The following SCD5 variants were observed in gnomAD, a reference collection of about 807,000 sequenced individuals.
The protein encoded by SCD5 is stearoyl-CoA desaturase 5.
Under a neutral mutation model 30.4 loss-of-function variants are expected in SCD5, and 20 were observed. The observed-to-expected ratio is 0.66, with a 90% CI of 0.46 to 0.96. The LOEUF is 0.96. SCD5 is among the 40% of genes least tolerant of loss of function. The probability of loss-of-function intolerance (pLI) is 0.00; values close to 1 mark genes in which losing one functional copy is unlikely to be tolerated. For synonymous variants in SCD5, 173 were observed against 176.4 expected (o/e 0.98, Z 0.16); for missense variants, 381 against 443.3 (o/e 0.86, Z 1.26).
In SCD5 at chr4:82,630,290, T is replaced by C. The variant is rs1727258112; in HGVS notation, c.*1037A>G. 1 of 152,022 alleles carries C rather than the reference T, an allele frequency of 6.6e-6. No individual in the cohort carries two copies. Among genetic ancestry groups the C allele is most frequent in the Non-Finnish European group, 1.5e-5 (1 of 68,002 alleles). The allele number at this position is 152,022 out of a possible 1,614,324, so 9.4% of individuals were successfully genotyped here. ...ACAAGCTGTAAACACAGCAAAAAAA[T>C]AAACAAGAGCCATTTCCTGTATTCT... On this transcript the variant is annotated 3_prime_UTR_variant, in exon 5 of 5. Transcript: ENST00000319540.
At chr4:82,683,840 C>T (rs1233613666) in intron 2 of SCD5, among the ~76,000 whole-genome samples, 1 of 152,190 alleles carries the variant, frequency 6.6e-6, no homozygotes, top group Non-Finnish European at 1.5e-5. Context: ...ACATAGCTTG[C>T]TTCTCCTTCA....
intron 4 of SCD5, among the ~76,000 whole-genome samples, chr4:82,635,064 AC>A (rs768817922): frequency 6.6e-6 from 1 of 152,228 alleles, no homozygotes; most frequent in Non-Finnish European, 1.5e-5. Flanking sequence ...ACTGAGTGAC[AC>A]AGAGACCATT....
chr4:82,798,418 C>A lies in SCD5; in HGVS notation c.120G>T (p.Gly40=). The part of the protein sequence containing the change: ...GGGPERPGAR[G]QRQNIVWRNV... ...TCCTCCAGACGATGTTCTGCCGCTG[C>A]CCGCGCGCGCCTGGCCTCTCCGGGC... The change falls in exon 1 of 5, where the codon GGG becomes GGT. Residue 40 remains glycine, a synonymous_variant. Transcript: ENST00000319540. 6.2e-7 allele frequency: 1 copy of A among 1,613,340 alleles called. No homozygotes were observed.
At chr4:82,710,783 A>G (rs1170703243) in intron 1 of SCD5, among the ~76,000 whole-genome samples, 1 of 141,958 alleles carries the variant, frequency 7.0e-6, no homozygotes, top group African/African-American at 2.5e-5. Flanking sequence ...GCAAAGGCCT[A>G]TAGCCCCATT....
chr4:82,631,757 G>T (rs1345324630), intron 4 of SCD5, among the ~76,000 whole-genome samples: 1 of 152,164 alleles, frequency 6.6e-6, no homozygotes. Flanking sequence ...CTGCAGACAT[G>T]ATACCATGAC....
intron 1 of SCD5, among the ~76,000 whole-genome samples, chr4:82,771,922 A>G (rs770097816): frequency 1.8e-4 from 27 of 152,152 alleles, no homozygotes; most frequent in Non-Finnish European, 3.1e-4. Flanking sequence ...AGGGAGCCAC[A>G]CTCATGATCA....
intron 3 of SCD5, among the ~76,000 whole-genome samples, chr4:82,653,640 T>C (rs1186568940): frequency 1.4e-5 from 2 of 145,482 alleles, no homozygotes; most frequent in East Asian, 2.1e-4. Context: ...ATGTTCTTAG[T>C]GGGGCAGAAC....
At chr4:82,650,803 T>C (rs1199810231) in intron 3 of SCD5, among the ~76,000 whole-genome samples, 2 of 151,062 alleles carry the variant, frequency 1.3e-5, no homozygotes, top group African/African-American at 2.4e-5. Flanking sequence ...TATTAATTGA[T>C]TAAATATCAA....
chr4:82,752,614 C>T (rs1226399106), intron 1 of SCD5, among the ~76,000 whole-genome samples: 1 of 152,066 alleles, frequency 6.6e-6, no homozygotes, highest in Non-Finnish European at 1.5e-5. Context: ...ACCTTAAATC[C>T]CAGCTGAACA....
At chr4:82,637,487 G>A in intron 3 of SCD5, among the ~76,000 whole-genome samples, 1 of 152,224 alleles carries the variant, frequency 6.6e-6, no homozygotes, top group East Asian at 1.9e-4. Context: ...CTATGTGCCA[G>A]ACCCTGAGTG....
At chr4:82,680,991 C>G in intron 2 of SCD5, 79 bp from the exon 3 acceptor site, 1 of 1,267,066 alleles carries the variant, frequency 7.9e-7, no homozygotes, top group Non-Finnish European at 1.1e-6. Flanking sequence ...CCAGCCTCCC[C>G]TCCCCCACCA....
intron 1 of SCD5, among the ~76,000 whole-genome samples, chr4:82,724,453 A>C (rs7682394): frequency 0.5 from 75,801 of 151,742 alleles, 19,571 homozygotes; most frequent in African/African-American, 0.61. Flanking sequence ...CCCCATCTTT[A>C]GAAAAAATAA....
At chr4:82,797,392 G>A (rs1265032791) in intron 1 of SCD5, among the ~76,000 whole-genome samples, 2 of 152,164 alleles carry the variant, frequency 1.3e-5, no homozygotes, top group Non-Finnish European at 2.9e-5. Context: ...CAGTTATTGC[G>A]GCCAGGGCGG....
intron 3 of SCD5, among the ~76,000 whole-genome samples, chr4:82,669,669 G>C (rs1728265745): frequency 1.3e-5 from 2 of 152,088 alleles, no homozygotes; most frequent in South Asian, 4.1e-4. Context: ...TTCCTTCCAG[G>C]AGCTTGACCA....
At chr4:82,636,847 C>T in intron 3 of SCD5, 24 bp from the exon 4 acceptor site, 1 of 1,565,680 alleles carries the variant, frequency 6.4e-7, no homozygotes, top group Non-Finnish European at 8.7e-7. Context: ...CACCATATCA[C>T]CATGAGGACC....
chr4:82,660,964 A>G, intron 3 of SCD5: 1 of 1,614,200 alleles, frequency 6.2e-7, no homozygotes, highest in Non-Finnish European at 8.5e-7. Flanking sequence ...CAAAGCTAAA[A>G]TGTGTAATCC....
rs1023943259 is a variant in SCD5 at position 82,777,354 on chromosome 4, A to G, written c.232+20952T>C. Among the ~76,000 whole-genome samples the G allele has an allele frequency of 5.3e-5, 8 of 152,246 alleles. No individual in the cohort carries two copies. The East Asian group carries it at 1.5e-3, about 29-fold the overall frequency. On this transcript the variant is annotated intron_variant, in intron 1 of 4. Coordinates refer to ENST00000319540, the MANE Select transcript of SCD5 (RefSeq NM_001037582.3). ...GAATTGAGCAAAGTATCTTTCAAAC[A>G]GCATCAGATATCCAGTGCAATCAAG...
intron 1 of SCD5, among the ~76,000 whole-genome samples, chr4:82,713,522 T>C (rs1295937493): frequency 2.0e-5 from 3 of 152,244 alleles, no homozygotes; most frequent in Non-Finnish European, 4.4e-5. Flanking sequence ...AGATACTCTG[T>C]TGCCCTCTGT....
At position 82,790,775 on chromosome 4, in the gene SCD5, T is replaced by C. The variant is rs573737947; in HGVS notation, c.232+7531A>G. On this transcript the variant is annotated intron_variant, in intron 1 of 4. Transcript: ENST00000319540. ...ATAATGGTTCTCAGCCCGCTGTGCA[T>C]TAGAAACACCTGAATAGCATAAAAT... 9.9e-5 allele frequency among the ~76,000 whole-genome samples: 15 copies of C among 152,182 alleles called. No homozygotes were observed. The East Asian group carries it at 2.3e-3, about 23-fold the overall frequency.
Sources: allele counts gnomAD v4.1 joint callset (sites outside exome capture counted in the v4.1 genomes callset), GRCh38; gene constraint gnomAD v4.1.1; transcripts MANE v1.5; gene names NCBI Gene and HGNC (gene_info 2026-07-23, HGNC 2026-07-21).